The following MYO5B variants were observed in gnomAD, a reference collection of about 807,000 sequenced individuals.
MYO5B encodes the protein unconventional myosin-Vb.
Under a neutral mutation model 229.3 loss-of-function variants are expected in MYO5B, and 143 were observed. The observed-to-expected ratio is 0.62, with a 90% confidence interval of 0.54 to 0.72. The LOEUF is 0.72. Among genes scored for constraint, MYO5B ranks in the 30% least tolerant of loss-of-function variants. The pLI is 0.00. For synonymous variants in MYO5B, 918 were observed against 885.2 expected, an observed-to-expected ratio of 1.04 and a Z score of -0.66; for missense variants, 2,321 against 2,331.0, an observed-to-expected ratio of 1.00 and a Z score of 0.09.
chr18:49,849,660 C>T lies in MYO5B; in HGVS notation c.4222G>A (p.Asp1408Asn). 6.2e-7 allele frequency: 1 copy of T among 1,611,734 alleles called. No individual in the cohort carries two copies. The highest frequency in any genetic ancestry group is 8.5e-7 in the Non-Finnish European group (1 of 1,178,038). The change falls in exon 32 of 40, where the codon GAC becomes AAC. Residue 1408 changes from aspartate to asparagine, a missense_variant and splice_region_variant. This residue lies in a region of MYO5B where 2,113 missense variants were observed against 2,044.7 expected (regional missense o/e 1.03). Transcript: ENST00000285039. ...AGCTTTTCTACCAGTTCTTTAAGGT[C>T]CTGGAAGCAGAGGAAGCAGTGTGAG... ...EISRLTNENL[D>N]LKELVEKLEK...
At chr18:50,073,417 C>A (rs1369251551) in intron 1 of MYO5B, among the ~76,000 whole-genome samples, 1 of 152,188 alleles carries the variant, frequency 6.6e-6, no homozygotes, top group African/African-American at 2.4e-5. Flanking sequence ...TCGTGAGAAG[C>A]CAGATTCCCA....
chr18:50,185,207 C>G (rs941951096), intron 1 of MYO5B, among the ~76,000 whole-genome samples: 1 of 151,572 alleles, frequency 6.6e-6, no homozygotes, highest in African/African-American at 2.4e-5. Context: ...GTAGAGCCTA[C>G]CAAGCATGTG....
At chr18:49,970,863 G>A (rs12326253) in intron 10 of MYO5B, 5,386 of 152,236 alleles carry the variant, frequency 0.035, 308 homozygotes, top group African/African-American at 0.11. Context: ...GCAATGTCTC[G>A]TTCTTTTCCA....
At chr18:49,904,394 C>T (rs1246453157) in intron 20 of MYO5B, among the ~76,000 whole-genome samples, 1 of 152,184 alleles carries the variant, frequency 6.6e-6, no homozygotes, top group Non-Finnish European at 1.5e-5. Flanking sequence ...CAATTGTGAA[C>T]TTTCTGGCCA....
chr18:50,117,391 A>T (rs892828071), intron 1 of MYO5B, among the ~76,000 whole-genome samples: 2 of 152,192 alleles, frequency 1.3e-5, no homozygotes, highest in South Asian at 4.1e-4. Context: ...GGCCTGGAAC[A>T]GCACTTCCAG....
intron 1 of MYO5B, among the ~76,000 whole-genome samples, chr18:50,180,083 T>C (rs1417011245): frequency 6.6e-6 from 1 of 152,164 alleles, no homozygotes; most frequent in Admixed American, 6.5e-5. Context: ...TCTCCACACC[T>C]GAAAAGGAAA....
At chr18:49,892,054 G>T (rs913580106) in intron 22 of MYO5B, among the ~76,000 whole-genome samples, 1 of 152,132 alleles carries the variant, frequency 6.6e-6, no homozygotes, top group African/African-American at 2.4e-5. Flanking sequence ...TCTGAATAAT[G>T]AGCTGTCACC....
chr18:50,100,873 G>A (rs1568106552), intron 1 of MYO5B, among the ~76,000 whole-genome samples: 1 of 152,328 alleles, frequency 6.6e-6, no homozygotes, highest in East Asian at 1.9e-4. Context: ...AGCATCACCC[G>A]AAACTGCAGT....
intron 9 of MYO5B, 77 bp from the exon 10 acceptor site, chr18:49,974,692 T>C (rs1004264244): frequency 6.4e-5 from 99 of 1,539,238 alleles, no homozygotes; most frequent in Non-Finnish European, 8.3e-5. Context: ...TCCACCCTCC[T>C]GCCCAGAGGG....
chr18:49,965,149 C>T (rs1307069718), intron 10 of MYO5B, among the ~76,000 whole-genome samples: 10 of 152,186 alleles, frequency 6.6e-5, no homozygotes, highest in Admixed American at 4.6e-4. Context: ...CTGACGTACA[C>T]TGCTGGTGGC....
At chr18:50,156,903 T>A (rs2032687611) in intron 1 of MYO5B, among the ~76,000 whole-genome samples, 1 of 152,166 alleles carries the variant, frequency 6.6e-6, no homozygotes, top group Non-Finnish European at 1.5e-5. Context: ...TATCCAACGC[T>A]ACTGTCACCA....
intron 9 of MYO5B, among the ~76,000 whole-genome samples, chr18:49,979,892 A>G (rs1007208971): frequency 1.3e-5 from 2 of 152,160 alleles, no homozygotes; most frequent in African/African-American, 2.4e-5. Flanking sequence ...CCTACCACAT[A>G]TCAGTACTAC....
intron 1 of MYO5B, among the ~76,000 whole-genome samples, chr18:50,148,397 A>G (rs1257644085): frequency 2.0e-5 from 3 of 151,554 alleles, no homozygotes; most frequent in Non-Finnish European, 4.4e-5. Flanking sequence ...AGAATTTTAG[A>G]CCAATATCCT....
chr18:49,919,121 G>A (rs1161091561), intron 17 of MYO5B, among the ~76,000 whole-genome samples: 4 of 152,220 alleles, frequency 2.6e-5, no homozygotes, highest in Non-Finnish European at 1.5e-5. Flanking sequence ...TTCAACAAAT[G>A]GTCCTGGGAC....
intron 3 of MYO5B, among the ~76,000 whole-genome samples, chr18:50,038,969 C>G (rs989008570): frequency 2.0e-5 from 3 of 152,178 alleles, no homozygotes; most frequent in Non-Finnish European, 2.9e-5. Context: ...AATCAACTTG[C>G]TATCGACAGC....
At position 49,930,493 on chromosome 18, in the gene MYO5B, G is replaced by A. The variant is rs376949047; in HGVS notation, c.2004-895C>T. Among the ~76,000 whole-genome samples the A allele has an allele frequency of 2.8e-4, 42 of 152,296 alleles. 1 individual carries two copies. The South Asian group carries it at 8.1e-3, about 29-fold the overall frequency. ...CTGTGTGAGCTTTCTGAGTATCCCC[G>A]CTTGAAGAGGAAATTTTATACAAGA... On this transcript the variant is annotated intron_variant, in intron 16 of 39. Coordinates refer to ENST00000285039, the MANE Select transcript of MYO5B (RefSeq NM_001080467.3).
intron 1 of MYO5B, among the ~76,000 whole-genome samples, chr18:50,078,921 G>A (rs1599004431): frequency 6.6e-6 from 1 of 152,222 alleles, no homozygotes; most frequent in African/African-American, 2.4e-5. Flanking sequence ...TGAGAAGGAA[G>A]AAGCCACCAC....
intron 1 of MYO5B, among the ~76,000 whole-genome samples, chr18:50,157,204 C>G (rs1039372493): frequency 2.0e-5 from 3 of 151,792 alleles, no homozygotes; most frequent in Non-Finnish European, 4.4e-5. Flanking sequence ...CTCCTGGGTT[C>G]AAGTGATTCT....
chr18:49,897,150 C>T (rs1189448180), intron 21 of MYO5B, among the ~76,000 whole-genome samples: 1 of 152,126 alleles, frequency 6.6e-6, no homozygotes, highest in African/African-American at 2.4e-5. Context: ...GGAGGCGGTG[C>T]ATTTTCTGTT....
Sources: gnomAD v4.1 joint callset for allele counts (sites outside exome capture counted in the v4.1 genomes callset) on GRCh38, gnomAD v4.1.1 for gene constraint, gnomAD v4.1.1 regional missense constraint, MANE v1.5 for transcripts, NCBI Gene and HGNC (gene_info 2026-07-23, HGNC 2026-07-21) for gene names.